Variants in ZNF263 observed in about 807,000 individuals in gnomAD.
ZNF263 encodes zinc finger protein 263.
In ZNF263, 49 loss-of-function variants were observed where a neutral mutation model predicts 63.1. The observed-to-expected ratio is 0.78, with a 90% CI of 0.62 to 0.99. The LOEUF (loss-of-function observed/expected upper bound fraction) is 0.99. Among genes scored for constraint, ZNF263 ranks in the 50% least tolerant of loss-of-function variants. ZNF263 has a pLI of 0.00. For synonymous variants in ZNF263, 352 were observed against 324.2 expected (o/e 1.09, Z -0.92); for missense variants, 872 against 854.8 (o/e 1.02, Z -0.25).
rs1357950564 is a variant in ZNF263, at chr16:3,283,665, CGGCCGCGCCTGGGCTGGAGCG to C, written c.-151_-131del. 4.0e-6 allele frequency: 5 copies of C among 1,254,170 alleles called. No homozygotes were observed. The highest frequency in any genetic ancestry group is 3.1e-5 in the African/African-American group (2 of 63,886). The allele number at this position is 1,254,170 out of a possible 1,614,324, so 77.7% of individuals were successfully genotyped here. A position where few individuals can be genotyped will look rare whatever the true frequency, so the allele number is the denominator to read the frequency against. On this transcript the variant is annotated 5_prime_UTR_variant, in exon 1 of 6. Transcript: ENST00000219069. ...CCGACTGAGGCCTAGGCGCCGGAGC[CGGCCGCGCCTGGGCTGGAGCG>C]GGGCTCCTCGGCCTGGACTGGGAGC...
At chr16:3,298,935 T>C (rs757804723) in intron 1 of ZNF263, 7 of 999,842 alleles carry the variant, frequency 7.0e-6, no homozygotes, top group Non-Finnish European at 8.2e-6. Flanking sequence ...GCCTACATCA[T>C]ATAATGGCAG....
At chr16:3,291,908 T>C (rs578004592), downstream of ZNF263, among the ~76,000 whole-genome samples, 2 of 152,220 alleles carry the variant, frequency 1.3e-5, no homozygotes, top group South Asian at 4.1e-4. Context: ...TAGGAAGATA[T>C]AGGAGATGGC....
downstream of ZNF263, among the ~76,000 whole-genome samples, chr16:3,295,558 G>A (rs375969508): frequency 6.6e-6 from 1 of 152,068 alleles, no homozygotes; most frequent in African/African-American, 2.4e-5. Flanking sequence ...AGGCGCGGAG[G>A]GCCGAGCTGG....
At chr16:3,300,496 G>T (rs1285935629) in intron 2 of ZNF263, 1 of 1,613,838 alleles carries the variant, frequency 6.2e-7, no homozygotes, top group South Asian at 1.1e-5. Flanking sequence ...ATAAAATGTT[G>T]ACTTACTGAT....
Position 3,285,131 on chromosome 16 carries a change from C to G in ZNF263, c.460C>G (p.Pro154Ala). 1 of 1,614,162 alleles carries G rather than the reference C, an allele frequency of 6.2e-7. No individual in the cohort carries two copies. Among genetic ancestry groups the G allele is most frequent in the Non-Finnish European group, 8.5e-7 (1 of 1,180,038 alleles). ...GCCTCTGGAAACAGCACGAGAGTCA[C>G]CGAGCTTCAAGCTGGAGCCAATGGA... is the stretch of plus-strand genomic sequence containing the variant. ...PLPLETARESPSFKLEPMETE... is the reference protein window; with the variant it reads ...PLPLETARESASFKLEPMETE... The change falls in exon 2 of 6, where the codon CCG (proline) becomes GCG (alanine). Residue 154 changes from proline (P) to alanine (A), a missense_variant. Coordinates refer to ENST00000219069, the MANE Select transcript of ZNF263 (RefSeq NM_005741.5).
chr16:3,301,352 A>T (rs950310495), exon 3 of ZNF263: 1 of 167,118 alleles, frequency 6.0e-6, no homozygotes, highest in Non-Finnish European at 1.5e-5. Context: ...TGTACATATG[A>T]ATGAAATCCA....
At position 3,288,590 on chromosome 16, in the gene ZNF263, G is replaced by A. The variant is rs1036715050; in HGVS notation, c.886+20G>A. 2.6e-6 allele frequency: 4 copies of A among 1,563,838 alleles called. No individual in the cohort carries two copies. In the African/African-American group the frequency reaches 5.5e-5, roughly 21 times the overall value. On this transcript the variant is annotated intron_variant, in intron 5 of 5. Coordinates refer to ENST00000219069, the MANE Select transcript of ZNF263 (RefSeq NM_005741.5). ...CTCCAGGTAAGGAATGAAGACAAGT[G>A]GCCTGCGCAGCAAGCAGCAAGGCTC... is the stretch of plus-strand genomic sequence containing the variant.
chr16:3,290,969 CCT>C lies in ZNF263; in HGVS notation c.*412_*413del. The C allele has an allele frequency of 2.0e-6, 2 of 999,484 alleles. No homozygotes were observed. The highest frequency in any genetic ancestry group is 2.4e-6 in the Non-Finnish European group (2 of 836,870). The allele number at this position is 999,484 out of a possible 1,614,324, so 61.9% of individuals were successfully genotyped here. On this transcript the variant is annotated 3_prime_UTR_variant, in exon 6 of 6. Transcript: ENST00000219069. ...TAGGAGCATTTGGGCTTCCGGGGCCCCTGAGACCAAAGAAGAGGGGCCAAGTA... is the reference window on the plus strand; with the variant it reads ...TAGGAGCATTTGGGCTTCCGGGGCCCGAGACCAAAGAAGAGGGGCCAAGTA...
intron 2 of ZNF263, chr16:3,300,794 G>A (rs1959918545): frequency 9.0e-7 from 1 of 1,107,466 alleles, no homozygotes; most frequent in Non-Finnish European, 1.2e-6. Flanking sequence ...CTAGTCTAGA[G>A]GTGGAGGTCT....
chr16:3,300,466 T>G, intron 2 of ZNF263: 1 of 1,613,580 alleles, frequency 6.2e-7, no homozygotes, highest in African/African-American at 1.3e-5. Flanking sequence ...CAGAATTAAC[T>G]TCTTATTTTT....
Position 3,291,130 on chromosome 16 carries a change from A to T in ZNF263, c.*572A>T, listed in dbSNP as rs1378230970. ...CTACGATGGCCTAACAGGAGTGCCC[A>T]TTGGCAGATTACACATGTAAATATG... On this transcript the variant is annotated 3_prime_UTR_variant, in exon 6 of 6. Coordinates refer to ENST00000219069, the MANE Select transcript of ZNF263 (RefSeq NM_005741.5). 1 of 986,640 alleles carries T rather than the reference A, an allele frequency of 1.0e-6. No homozygotes were observed. The highest frequency in any genetic ancestry group is 1.2e-6 in the Non-Finnish European group (1 of 830,846). 61.1% of individuals were successfully genotyped at this position (986,640 alleles called of 1,614,324 possible). A position where few individuals can be genotyped will look rare whatever the true frequency, so the allele number is the denominator to read the frequency against.
intron 3 of ZNF263, 105 bp from the exon 4 acceptor site, chr16:3,285,918 C>T (rs1031131514): frequency 1.3e-6 from 2 of 1,591,630 alleles, no homozygotes; most frequent in Non-Finnish European, 8.6e-7. Flanking sequence ...CTTCTTCCCC[C>T]CTGACATGTG....
chr16:3,289,983 C>T lies in ZNF263; in HGVS notation c.1477C>T (p.Pro493Ser). ...CACTGGGGAGAAGCCCTACAAGTGC[C>T]CTGAGTGTGGGGAGATCTTTGCTCA... is the stretch of plus-strand genomic sequence containing the variant. ...THTGEKPYKC[P>S]ECGEIFAHSS... The change falls in exon 6 of 6, where the codon CCT (proline) becomes TCT (serine). Residue 493 changes from proline (P) to serine (S), a missense_variant. Physicochemically the swap from Pro to Ser is moderately conservative, Grantham distance 74. Transcript: ENST00000219069. 1.4e-5 allele frequency: 22 copies of T among 1,614,122 alleles called. No individual in the cohort carries two copies. The highest frequency in any genetic ancestry group is 1.9e-5 in the Non-Finnish European group (22 of 1,180,018).
intron 2 of ZNF263, chr16:3,300,765 G>T: frequency 1.5e-6 from 2 of 1,335,862 alleles, no homozygotes; most frequent in South Asian, 3.3e-5. Context: ...GACTGAAGGG[G>T]CTAACCATGA....
chr16:3,297,517 T>A (rs1596376679), intron 1 of ZNF263, among the ~76,000 whole-genome samples: 1 of 128,366 alleles, frequency 7.8e-6, no homozygotes, highest in East Asian at 2.6e-4. Context: ...CAGGCTGGAG[T>A]GCAGTGGCGC....
rs1008063174 is a variant in ZNF263 at position 3,290,967 on chromosome 16, C to T, written c.*409C>T. The T allele has an allele frequency of 6.0e-6, 6 of 999,452 alleles. No individual in the cohort carries two copies. Among genetic ancestry groups the T allele is most frequent in the African/African-American group, 3.5e-5 (2 of 57,358 alleles). 61.9% of individuals were successfully genotyped at this position (999,452 alleles called of 1,614,324 possible). A position where few individuals can be genotyped will look rare whatever the true frequency, so the allele number is the denominator to read the frequency against. ...AGTAGGAGCATTTGGGCTTCCGGGGCCCCTGAGACCAAAGAAGAGGGGCCA... is the reference window on the plus strand; with the variant it reads ...AGTAGGAGCATTTGGGCTTCCGGGGTCCCTGAGACCAAAGAAGAGGGGCCA... On this transcript the variant is annotated 3_prime_UTR_variant, in exon 6 of 6. Transcript: ENST00000219069.
chr16:3,296,142 C>T (rs1377438844), downstream of ZNF263, among the ~76,000 whole-genome samples: 1 of 152,260 alleles, frequency 6.6e-6, no homozygotes, highest in East Asian at 1.9e-4. Context: ...GGCCCTTACA[C>T]ATCCCATGGT....
chr16:3,299,648 T>A, intron 2 of ZNF263: 1 of 1,561,570 alleles, frequency 6.4e-7, no homozygotes, highest in Non-Finnish European at 8.6e-7. Flanking sequence ...AAGGTTGAAG[T>A]GTTATGGGGG....
intron 2 of ZNF263, chr16:3,300,245 C>T (rs1303007311): frequency 6.2e-7 from 1 of 1,614,106 alleles, no homozygotes; most frequent in Non-Finnish European, 8.5e-7. Context: ...AAAAGCCAAC[C>T]AGTGCTAGCT....
Sources: gnomAD v4.1 joint callset for allele counts (sites outside exome capture counted in the v4.1 genomes callset) on GRCh38, gnomAD v4.1.1 for gene constraint, MANE v1.5 for transcripts, NCBI Gene and HGNC (gene_info 2026-07-23, HGNC 2026-07-21) for gene names.